The following GNMT variants were observed in gnomAD, a reference collection of about 807,000 sequenced individuals.
GNMT encodes the protein glycine N-methyltransferase, also known as epididymis secretory sperm binding protein Li 182mP.
GNMT carries 26 observed loss-of-function variants against 30.2 expected under a neutral mutation model. That is an observed-to-expected ratio of 0.86 (90% confidence interval 0.63 to 1.19). GNMT has a LOEUF of 1.19. GNMT is among the 50% of genes most tolerant of loss of function. The pLI is 0.00. For missense variants in GNMT, 365 were observed against 398.1 expected, an observed-to-expected ratio of 0.92 and a Z score of 0.71; for synonymous variants, 163 against 163.8, an observed-to-expected ratio of 1.00 and a Z score of 0.04.
At chr6:42,962,168 C>G (rs1418203563) in intron 1 of GNMT, 44 bp from the exon 2 acceptor site, 9 of 1,613,500 alleles carry the variant, frequency 5.6e-6, no homozygotes, top group Non-Finnish European at 7.6e-6. Context: ...CTCCCAGGCT[C>G]CCCTAACTGC....
At position 42,963,226 on chromosome 6, in the gene GNMT, T is replaced by G. The variant is rs1769521163; in HGVS notation, c.594+12T>G. 9.2e-6 allele frequency: 4 copies of G among 435,540 alleles called. No homozygotes were observed. Among genetic ancestry groups the G allele is most frequent in the Admixed American group, 1.1e-4 (2 of 18,080 alleles). The allele number at this position is 435,540 out of a possible 1,614,324, so 27.0% of individuals were successfully genotyped here. On this transcript the variant is annotated intron_variant, in intron 4 of 5. Transcript: ENST00000372808. ...ACATCTACTATAAGGTGGGGCCCTC[T>G]GGGGTGGGGGTGGGGGTGGGGGTGG...
chr6:42,961,209 A>T (rs565084176), intron 1 of GNMT, among the ~76,000 whole-genome samples: 1 of 152,086 alleles, frequency 6.6e-6, no homozygotes, highest in Non-Finnish European at 1.5e-5. Context: ...GAGAAGGGAG[A>T]CTGAGTGTGA....
In GNMT at chr6:42,962,338, G is replaced by A; in HGVS notation, c.333G>A (p.Trp111Ter). 1 of 1,614,004 alleles carries A rather than the reference G, an allele frequency of 6.2e-7. No homozygotes were observed. The highest frequency in any genetic ancestry group is 1.1e-5 in the South Asian group (1 of 91,068). Reference sequence around the variant, plus strand: ...GGCACGAGCCCGCCTTCGACAAGTGGGGTATGCAGGTCTAGCCAGGCTCCC... The same window carrying A: ...GGCACGAGCCCGCCTTCGACAAGTGAGGTATGCAGGTCTAGCCAGGCTCCC... ...NRRHEPAFDK[W>*]VIEEANWMTL... The change falls in exon 2 of 6, where the codon TGG (tryptophan) becomes TGA (stop). Residue 111 changes from tryptophan (W) to a stop codon, truncating the protein, a stop_gained and splice_region_variant. Coordinates refer to ENST00000372808, the MANE Select transcript of GNMT (RefSeq NM_018960.6). LOFTEE classifies it high-confidence loss of function.
Position 42,963,538 on chromosome 6 carries a change from G to A in GNMT, c.720G>A (p.Lys240=). Residue 240 remains lysine, a synonymous_variant, in exon 6 of 6, where the codon AAG becomes AAA. Coordinates refer to ENST00000372808, the MANE Select transcript of GNMT (RefSeq NM_018960.6). ...GTTGCTGGGGCCTCTGTTACAGTAA[G>A]TTCCGGCTCTCCTACTACCCACACT... ...AGQDGSPGLS[K]FRLSYYPHCL... 2.5e-6 allele frequency: 4 copies of A among 1,614,018 alleles called. No individual in the cohort carries two copies. The highest frequency in any genetic ancestry group is 1.3e-5 in the African/African-American group (1 of 75,026).
chr6:42,962,156 C>T (rs1179987348), intron 1 of GNMT, 56 bp from the exon 2 acceptor site: 13 of 1,608,198 alleles, frequency 8.1e-6, no homozygotes, highest in Non-Finnish European at 1.0e-5. Context: ...CTCCTCCTGG[C>T]CCTCCCAGGC....
Position 42,963,819 on chromosome 6 carries a change from G to C in GNMT, c.*113G>C. 1 of 945,526 alleles carries C rather than the reference G, an allele frequency of 1.1e-6. No homozygotes were observed. Among genetic ancestry groups the C allele is most frequent in the Non-Finnish European group, 1.7e-6 (1 of 592,078 alleles). The allele number at this position is 945,526 out of a possible 1,614,324, so 58.6% of individuals were successfully genotyped here. ...GCCTCTAGAGCAGACTACAGCTGGG[G>C]TGCAGGGATGTGGGTTCCACAGACG... On this transcript the variant is annotated 3_prime_UTR_variant, in exon 6 of 6. Coordinates refer to ENST00000372808, the MANE Select transcript of GNMT (RefSeq NM_018960.6).
chr6:42,961,056 C>T (rs1769358022), intron 1 of GNMT, 83 bp downstream of exon 1: 8 of 1,192,246 alleles, frequency 6.7e-6, no homozygotes, highest in Non-Finnish European at 9.2e-6. Context: ...AACCACAGGG[C>T]CGGGCACGTC....
intron 3 of GNMT, 74 bp downstream of exon 3, chr6:42,962,952 C>T: frequency 1.3e-6 from 2 of 1,576,068 alleles, no homozygotes; most frequent in East Asian, 2.2e-5. Flanking sequence ...CACCTGCTCT[C>T]CTGCCAAAGC....
chr6:42,961,844 C>T (rs1465839032), intron 1 of GNMT, among the ~76,000 whole-genome samples: 2 of 152,020 alleles, frequency 1.3e-5, no homozygotes, highest in African/African-American at 2.4e-5. Context: ...TGAGCCACCG[C>T]GCCCGGCTTT....
chr6:42,963,783 C>T lies in GNMT; in HGVS notation c.*77C>T, dbSNP rs1177462399. On this transcript the variant is annotated 3_prime_UTR_variant, in exon 6 of 6. Coordinates refer to ENST00000372808, the MANE Select transcript of GNMT (RefSeq NM_018960.6). ...TGGAAGATGGGGACCAGCAGCCCCA[C>T]ACCAGGGCCAGCCTCTAGAGCAGAC... 1.3e-5 allele frequency: 18 copies of T among 1,399,820 alleles called. No individual in the cohort carries two copies. Among genetic ancestry groups the T allele is most frequent in the South Asian group, 2.3e-5 (2 of 85,468 alleles). 86.7% of individuals were successfully genotyped at this position (1,399,820 alleles called of 1,614,324 possible). A position where few individuals can be genotyped will look rare whatever the true frequency, so the allele number is the denominator to read the frequency against.
Position 42,963,477 on chromosome 6 carries a change from C to T in GNMT, c.716+28C>T, listed in dbSNP as rs4987174. 0.063 allele frequency: 101,156 copies of T among 1,613,276 alleles called. 4,369 individuals carry two copies. The highest frequency in any genetic ancestry group is 0.22 in the African/African-American group (16,390 of 74,866). On this transcript the variant is annotated intron_variant, in intron 5 of 5. Transcript: ENST00000372808. ...ACCACTTGGCTTAGTGGGGGTGAGGCGGTAGTTGGGGGAGCTGAGGTCACC... is the reference window on the plus strand; with the variant it reads ...ACCACTTGGCTTAGTGGGGGTGAGGTGGTAGTTGGGGGAGCTGAGGTCACC...
At chr6:42,962,724 G>T (rs748566577) in intron 2 of GNMT, 38 bp from the exon 3 acceptor site, 2 of 1,419,240 alleles carry the variant, frequency 1.4e-6, no homozygotes, top group Non-Finnish European at 1.0e-6. Context: ...TGGTACCATC[G>T]TGCCTCCCTG....
chr6:42,962,660 T>G, intron 2 of GNMT, 102 bp from the exon 3 acceptor site: 1 of 870,876 alleles, frequency 1.1e-6, no homozygotes, highest in South Asian at 1.3e-5. Context: ...GGGGAGCTTG[T>G]GTGTCTTAAG....
rs1353331062 is a variant in GNMT, at chr6:42,963,649, G to A, written c.831G>A (p.Lys277=). Residue 277 remains lysine (K), a synonymous_variant, in exon 6 of 6, where the codon AAG becomes AAA. Coordinates refer to ENST00000372808, the MANE Select transcript of GNMT (RefSeq NM_018960.6). ...TCCTGGGCGACTTCAAGCCTTACAA[G>A]CCAGGCCAAACCTACATTCCCTGCT... The part of the protein sequence containing the change: ...HSVLGDFKPY[K]PGQTYIPCYF... The A allele has an allele frequency of 6.2e-7, 1 of 1,614,080 alleles. No homozygotes were observed. Among genetic ancestry groups the A allele is most frequent in the African/African-American group, 1.3e-5 (1 of 74,926 alleles).
At chr6:42,962,478 A>G in intron 2 of GNMT, 139 bp downstream of exon 2, 1 of 963,514 alleles carries the variant, frequency 1.0e-6, no homozygotes. Context: ...CATTTCTCTG[A>G]AAAGCAAGTC....
rs766825740 is a variant in GNMT, at chr6:42,960,793, G to A, written c.26G>A (p.Arg9His). 5.2e-6 allele frequency: 8 copies of A among 1,549,786 alleles called. No homozygotes were observed. Among genetic ancestry groups the A allele is most frequent in the Admixed American group, 3.9e-5 (2 of 51,914 alleles). ...ATGGTGGACAGCGTGTACCGGACCCGCTCCCTGGGGGTGGCGGCCGAAGGG... is the reference window on the plus strand; with the variant it reads ...ATGGTGGACAGCGTGTACCGGACCCACTCCCTGGGGGTGGCGGCCGAAGGG... MVDSVYRT[R>H]SLGVAAEGLP... Residue 9 changes from arginine to histidine, a missense_variant, in exon 1 of 6, where the codon CGC becomes CAC. This residue lies in a region of GNMT where 125 missense variants were observed against 112.0 expected (regional missense o/e 1.12). Coordinates refer to ENST00000372808, the MANE Select transcript of GNMT (RefSeq NM_018960.6).
At chr6:42,962,106 G>T (rs559426174) in intron 1 of GNMT, 106 bp from the exon 2 acceptor site, 2 of 1,283,206 alleles carry the variant, frequency 1.6e-6, no homozygotes, top group African/African-American at 1.5e-5. Flanking sequence ...GCAGAGGAAC[G>T]GACTCTGAGA....
chr6:42,963,499 C>T lies in GNMT; in HGVS notation c.717-36C>T, dbSNP rs539676149. 9 of 1,613,628 alleles carry T rather than the reference C, an allele frequency of 5.6e-6. No homozygotes were observed. The South Asian group carries it at 7.7e-5, about 14-fold the overall frequency. On this transcript the variant is annotated intron_variant, in intron 5 of 5. Coordinates refer to ENST00000372808, the MANE Select transcript of GNMT (RefSeq NM_018960.6). ...AGGCGGTAGTTGGGGGAGCTGAGGT[C>T]ACCAGTCCTCATGGTTGCTGGGGCC...
At chr6:42,961,714 C>T (rs1011592891) in intron 1 of GNMT, among the ~76,000 whole-genome samples, 38 of 152,106 alleles carry the variant, frequency 2.5e-4, no homozygotes, top group African/African-American at 8.4e-4. Context: ...CCACCACGCC[C>T]AGCTAATATT....
Sources: gnomAD v4.1 joint callset for allele counts (sites outside exome capture counted in the v4.1 genomes callset) on GRCh38, gnomAD v4.1.1 for gene constraint, gnomAD v4.1.1 regional missense constraint, MANE v1.5 for transcripts, NCBI Gene and HGNC (gene_info 2026-07-23, HGNC 2026-07-21) for gene names.